FAM177A1: variants seen among roughly 807,000 people sequenced by gnomAD.
The protein encoded by FAM177A1 is family with sequence similarity 177 member A1.
Under a neutral mutation model 26.1 loss-of-function variants are expected in FAM177A1, and 22 were observed. The observed-to-expected ratio is 0.84, with a 90% CI of 0.60 to 1.20. The LOEUF (loss-of-function observed/expected upper bound fraction) is 1.20. Ranked by LOEUF, FAM177A1 falls within the 50% of genes most tolerant of loss-of-function variation. The probability of loss-of-function intolerance (pLI) is 0.00; values close to 1 mark genes in which losing one functional copy is unlikely to be tolerated. For missense variants in FAM177A1, 296 were observed against 291.1 expected (o/e 1.02, Z -0.12); for synonymous variants, 95 against 99.3 (o/e 0.96, Z 0.26).
intron 1 of FAM177A1, among the ~76,000 whole-genome samples, chr14:35,052,705 G>A (rs559866274): frequency 1.3e-5 from 2 of 152,120 alleles, no homozygotes; most frequent in African/African-American, 4.8e-5. Flanking sequence ...TGGGAGGATT[G>A]CTTAAGGCCA....
At chr14:35,071,551 T>C (rs1378343064) in intron 2 of FAM177A1, among the ~76,000 whole-genome samples, 1 of 151,624 alleles carries the variant, frequency 6.6e-6, no homozygotes, top group Non-Finnish European at 1.5e-5. Flanking sequence ...AGCTACTTCT[T>C]TTTTTTGATT....
chr14:35,046,776 A>G (rs1409714107), intron 1 of FAM177A1, 148 bp downstream of exon 1: 11 of 1,382,268 alleles, frequency 8.0e-6, no homozygotes, highest in Non-Finnish European at 1.0e-5. Context: ...GTTTCTGCTC[A>G]CTGAGACCAG....
rs772278689 is a variant in FAM177A1 at position 35,081,235 on chromosome 14, A to G, written c.*7A>G. ...AGTCTCTGTCCCACCATAAAATGAA[A>G]TGACTATCAAGCTTCAAACTCTTAA... On this transcript the variant is annotated 3_prime_UTR_variant, in exon 5 of 5. Coordinates refer to ENST00000280987, the MANE Select transcript of FAM177A1 (RefSeq NM_173607.5). The G allele has an allele frequency of 6.2e-7, 1 of 1,604,128 alleles. No homozygotes were observed. The highest frequency in any genetic ancestry group is 1.3e-5 in the African/African-American group (1 of 74,484).
intron 2 of FAM177A1, among the ~76,000 whole-genome samples, chr14:35,055,447 T>TG (rs2045046534): frequency 1.3e-5 from 2 of 151,810 alleles, no homozygotes; most frequent in African/African-American, 4.8e-5. Flanking sequence ...AACTGTTTTT[T>TG]TTTTTTTTTT....
intron 2 of FAM177A1, among the ~76,000 whole-genome samples, chr14:35,066,174 T>A (rs1209989183): frequency 6.6e-6 from 1 of 151,932 alleles, no homozygotes; most frequent in African/African-American, 2.4e-5. Flanking sequence ...TCAAACGATC[T>A]TTCCACCTCA....
intron 2 of FAM177A1, among the ~76,000 whole-genome samples, chr14:35,071,693 C>T (rs553466670): frequency 6.6e-6 from 1 of 152,232 alleles, no homozygotes; most frequent in South Asian, 2.1e-4. Flanking sequence ...CTTTGGTAGT[C>T]ATAGCTTGGA....
At chr14:35,051,508 G>C (rs1299057669) in intron 1 of FAM177A1, among the ~76,000 whole-genome samples, 1 of 152,272 alleles carries the variant, frequency 6.6e-6, no homozygotes, top group South Asian at 2.1e-4. Context: ...CACCTCCTGG[G>C]TTCAAGTGAT....
intron 1 of FAM177A1, among the ~76,000 whole-genome samples, chr14:35,047,776 CAACAACAA>C (rs1300779692): frequency 1.5e-3 from 172 of 114,818 alleles, no homozygotes; most frequent in African/African-American, 4.8e-3. Flanking sequence ...ACAACAACAA[CAACAACAA>C]AAAAAAAACC....
At chr14:35,057,507 G>A (rs969803809) in intron 2 of FAM177A1, among the ~76,000 whole-genome samples, 1 of 151,964 alleles carries the variant, frequency 6.6e-6, no homozygotes, top group Admixed American at 6.6e-5. Context: ...AGCTTCCCGA[G>A]TAGTTGGGAT....
chr14:35,058,048 C>T (rs77077408), intron 2 of FAM177A1, among the ~76,000 whole-genome samples: 5,744 of 151,780 alleles, frequency 0.038, 107 homozygotes, highest in South Asian at 0.062. Context: ...CCCTGTTGTC[C>T]TACTTTTTAT....
chr14:35,056,883 T>G (rs935927526), intron 2 of FAM177A1, among the ~76,000 whole-genome samples: 3 of 152,194 alleles, frequency 2.0e-5, no homozygotes, highest in Non-Finnish European at 2.9e-5. Flanking sequence ...ATGATTCTTT[T>G]TATTTTTCAT....
chr14:35,046,017 TACA>T (rs1487423511), upstream of FAM177A1: 1 of 154,262 alleles, frequency 6.5e-6, no homozygotes, highest in African/African-American at 2.4e-5. Flanking sequence ...GCCTTTGAAG[TACA>T]ACGACACAGC....
At chr14:35,075,247 G>A (rs2045377612) in intron 2 of FAM177A1, among the ~76,000 whole-genome samples, 1 of 152,180 alleles carries the variant, frequency 6.6e-6, no homozygotes, top group Non-Finnish European at 1.5e-5. Context: ...ATTGTGGATT[G>A]CATTCTGCCA....
At position 35,048,289 on chromosome 14, in the gene FAM177A1, T is replaced by G. The variant is rs192662114; in HGVS notation, c.165+1661T>G. On this transcript the variant is annotated intron_variant, in intron 1 of 4. Transcript: ENST00000280987. ...ATCACTACCTCCGCCCTGGATCTAATAGCAAAGTAAACACACGTGTACTTA... is the reference window on the plus strand; with the variant it reads ...ATCACTACCTCCGCCCTGGATCTAAGAGCAAAGTAAACACACGTGTACTTA... 3.2e-3 allele frequency among the ~76,000 whole-genome samples: 490 copies of G among 152,316 alleles called. 5 individuals are homozygous for G. Among genetic ancestry groups the G allele is most frequent in the Non-Finnish European group, 1.8e-3 (122 of 68,024 alleles).
At chr14:35,055,302 T>TAAA (rs768167607) in intron 2 of FAM177A1, among the ~76,000 whole-genome samples, 1 of 129,250 alleles carries the variant, frequency 7.7e-6, no homozygotes, top group Non-Finnish European at 1.6e-5. Context: ...AAACTCCATC[T>TAAA]AAAAAAAAAA....
intron 2 of FAM177A1, among the ~76,000 whole-genome samples, chr14:35,064,801 G>A (rs1020771944): frequency 6.6e-6 from 1 of 151,764 alleles, no homozygotes; most frequent in African/African-American, 2.4e-5. Flanking sequence ...GCAGGCACCC[G>A]CCACCATGAC....
At chr14:35,066,168 A>C (rs2045238243) in intron 2 of FAM177A1, among the ~76,000 whole-genome samples, 1 of 151,396 alleles carries the variant, frequency 6.6e-6, no homozygotes, top group Non-Finnish European at 1.5e-5. Flanking sequence ...CTGGGCTCAA[A>C]CGATCTTTCC....
chr14:35,058,525 A>G lies in FAM177A1; in HGVS notation c.339+5074A>G, dbSNP rs75206604. On this transcript the variant is annotated intron_variant, in intron 2 of 4. Transcript: ENST00000280987. The stretch of plus-strand genomic sequence containing the variant: ...AATTTCATATCTTCCTGATAGATTG[A>G]CCCTTTTATCATTATAAAATGTCCT... 7.0e-3 allele frequency among the ~76,000 whole-genome samples: 1,071 copies of G among 152,204 alleles called. 7 individuals carry two copies. Among genetic ancestry groups the G allele is most frequent in the African/African-American group, 0.024 (985 of 41,520 alleles).
At position 35,081,219 on chromosome 14, in the gene FAM177A1, C is replaced by A. The variant is rs747936148; in HGVS notation, c.702C>A (p.Val234=). ...AAAGCAAGCAAAATCCAGTCTCTGT[C>A]CCACCATAAAATGAAATGACTATCA... ...IMESKQNPVS[V]PP The change falls in exon 5 of 5, where the codon GTC becomes GTA. Residue 234 remains valine (V), a synonymous_variant. Coordinates refer to ENST00000280987, the MANE Select transcript of FAM177A1 (RefSeq NM_173607.5). 6.2e-7 allele frequency: 1 copy of A among 1,608,984 alleles called. No individual in the cohort carries two copies. The highest frequency in any genetic ancestry group is 1.1e-5 in the South Asian group (1 of 89,638).
Sources: gnomAD v4.1 joint callset for allele counts (sites outside exome capture counted in the v4.1 genomes callset) on GRCh38, gnomAD v4.1.1 for gene constraint, MANE v1.5 for transcripts, NCBI Gene and HGNC (gene_info 2026-07-23, HGNC 2026-07-21) for gene names.